Variants in MYO15A observed in about 807,000 individuals in gnomAD.
The protein encoded by MYO15A is myosin XVA.
In MYO15A, 308 loss-of-function variants were observed where a neutral mutation model predicts 394.6. That is an observed-to-expected ratio of 0.78 (90% CI 0.71 to 0.86). The LOEUF (loss-of-function observed/expected upper bound fraction) is 0.86, where lower values mean the gene tolerates loss of function less well. MYO15A is among the 40% of genes least tolerant of loss of function. The pLI is 0.00. For missense variants in MYO15A, 4,606 were observed against 4,799.1 expected (o/e 0.96, Z 1.19); for synonymous variants, 1,957 against 2,003.8 (o/e 0.98, Z 0.62).
Position 18,149,518 on chromosome 17 carries a change from C to T in MYO15A, c.7150C>T (p.His2384Tyr), listed in dbSNP as rs1257065368. ...CAGTCTTGGAGAGCCTGCTGTGCCCCACAAGGGGCTGGACTGCTACCTGGA... is the reference window on the plus strand; with the variant it reads ...CAGTCTTGGAGAGCCTGCTGTGCCCTACAAGGGGCTGGACTGCTACCTGGA... ...SDSLGEPAVP[H>Y]KGLDCYLDSL... The change falls in exon 35 of 66, where the codon CAC (histidine) becomes TAC (tyrosine). Residue 2384 changes from histidine to tyrosine, a missense_variant. By Grantham distance (83) the His-to-Tyr change is moderately conservative (BLOSUM62 2). Coordinates refer to ENST00000647165, the MANE Select transcript of MYO15A (RefSeq NM_016239.4). 1 of 1,614,066 alleles carries T rather than the reference C, an allele frequency of 6.2e-7. No individual in the cohort carries two copies. The highest frequency in any genetic ancestry group is 8.5e-7 in the Non-Finnish European group (1 of 1,180,042).
intron 65 of MYO15A, chr17:18,177,044 C>T (rs556829124): frequency 6.6e-6 from 1 of 152,422 alleles, no homozygotes; most frequent in Admixed American, 6.5e-5. Flanking sequence ...ATGAAGGCCT[C>T]TTTGCTTTTC....
At chr17:18,140,468 G>A (rs781770960) in intron 19 of MYO15A, 49 bp from the exon 20 acceptor site, 3 of 1,612,226 alleles carry the variant, frequency 1.9e-6, no homozygotes, top group Non-Finnish European at 1.7e-6. Flanking sequence ...CCTCATTTCG[G>A]TCTCCCGGAC....
rs1013614605 is a variant in MYO15A, at chr17:18,117,076, G to A, written c.-219-1506G>A. On this transcript the variant is annotated intron_variant, in intron 1 of 65. Coordinates refer to ENST00000647165, the MANE Select transcript of MYO15A (RefSeq NM_016239.4). This position sits in a 1 kb window ranked among gnomAD's most constrained non-coding sequence, Gnocchi z 4.1. ...ACTTCCTGCACGTATCCCCTAACTCGCTCCAAAAGCCCTCCATCCAATTTC... is the reference window on the plus strand; with the variant it reads ...ACTTCCTGCACGTATCCCCTAACTCACTCCAAAAGCCCTCCATCCAATTTC... Among the ~76,000 whole-genome samples the A allele has an allele frequency of 6.6e-6, 1 of 152,020 alleles. No homozygotes were observed. The highest frequency in any genetic ancestry group is 1.5e-5 in the Non-Finnish European group (1 of 68,004).
Position 18,148,157 on chromosome 17 carries a change from G to A in MYO15A, c.6638G>A (p.Trp2213Ter), listed in dbSNP as rs1567649945. The A allele has an allele frequency of 1.9e-6, 3 of 1,613,842 alleles. No individual in the cohort carries two copies. The highest frequency in any genetic ancestry group is 2.5e-6 in the Non-Finnish European group (3 of 1,180,036). The change falls in exon 31 of 66, where the codon TGG becomes TAG. Residue 2213 changes from tryptophan to a stop codon, truncating the protein, a stop_gained. Transcript: ENST00000647165. LOFTEE classifies it high-confidence loss of function. This position sits in a 1 kb window ranked among gnomAD's most constrained non-coding sequence, Gnocchi z 4.8. Reference sequence around the variant, plus strand: ...ACCTTACCCCCGACCCAGCTCGAGTGGACAGCGACCTATGAGAAGGCCAGC... The same window carrying A: ...ACCTTACCCCCGACCCAGCTCGAGTAGACAGCGACCTATGAGAAGGCCAGC... ...ARTLPPTQLEWTATYEKASMA... is the reference protein window; with the variant it reads ...ARTLPPTQLE
At position 18,149,538 on chromosome 17, in the gene MYO15A, C is replaced by T. The variant is rs1402420110; in HGVS notation, c.7170C>T (p.Tyr2390=). ...TGCCCCACAAGGGGCTGGACTGCTACCTGGATAGCCTCTTTGACCCTGTGC... is the reference window on the plus strand; with the variant it reads ...TGCCCCACAAGGGGCTGGACTGCTATCTGGATAGCCTCTTTGACCCTGTGC... ...PAVPHKGLDC[Y]LDSLFDPVLS... The change falls in exon 35 of 66, where the codon TAC becomes TAT. Residue 2390 remains tyrosine, a synonymous_variant. Coordinates refer to ENST00000647165, the MANE Select transcript of MYO15A (RefSeq NM_016239.4). 5 of 1,614,196 alleles carry T rather than the reference C, an allele frequency of 3.1e-6. No homozygotes were observed. The Admixed American group carries it at 5.0e-5, about 16-fold the overall frequency.
chr17:18,172,805 AACAG>A (rs2046961339), intron 64 of MYO15A: 2 of 206,808 alleles, frequency 9.7e-6, no homozygotes, highest in African/African-American at 4.7e-5. Context: ...GGCCCATCCT[AACAG>A]CTTCATTTTA....
intron 17 of MYO15A, 59 bp downstream of exon 17, chr17:18,138,305 T>C (rs560586027): frequency 7.6e-6 from 12 of 1,583,082 alleles, no homozygotes; most frequent in Non-Finnish European, 1.0e-5. Flanking sequence ...CCTCATGTCC[T>C]CATCCCACCC....
Position 18,153,962 on chromosome 17 carries a change from G to A in MYO15A, c.8088+66G>A, listed in dbSNP as rs2046630700. On this transcript the variant is annotated intron_variant, in intron 43 of 65. Transcript: ENST00000647165. The surrounding 1 kb of genome is among the most constrained non-coding windows in gnomAD (Gnocchi z 4.1). Reference sequence around the variant, plus strand: ...GGCAGGGGAGGGGCTGAAGCGAGCAGAGGAGGGTCTAGGACTTGGGGAGGG... The same window carrying A: ...GGCAGGGGAGGGGCTGAAGCGAGCAAAGGAGGGTCTAGGACTTGGGGAGGG... 3 of 1,611,032 alleles carry A rather than the reference G, an allele frequency of 1.9e-6. No individual in the cohort carries two copies. The highest frequency in any genetic ancestry group is 1.7e-5 in the Admixed American group (1 of 59,938).
chr17:18,118,883 G>A lies in MYO15A; in HGVS notation c.83G>A (p.Arg28Gln), dbSNP rs1367209759. The A allele has an allele frequency of 1.2e-6, 2 of 1,613,784 alleles. 1 individual carries two copies. The highest frequency in any genetic ancestry group is 2.2e-5 in the South Asian group (2 of 91,020). Residue 28 changes from arginine to glutamine, a missense_variant, in exon 2 of 66, where the codon CGG becomes CAG. Transcript: ENST00000647165. The stretch of plus-strand genomic sequence containing the variant: ...GCACCGGAGCCGGAGAAGCCCAAAC[G>A]GAGCCTGAAGGGGACGTCGCGGCTG... ...KKAPEPEKPK[R>Q]SLKGTSRLFM...
At chr17:18,142,436 C>G (rs940810307) in intron 24 of MYO15A, among the ~76,000 whole-genome samples, 182 bp downstream of exon 24, 3 of 152,224 alleles carry the variant, frequency 2.0e-5, no homozygotes, top group Non-Finnish European at 4.4e-5. Flanking sequence ...CCAGCCAACC[C>G]CAGGCCCTTG....
At chr17:18,142,326 G>T in intron 24 of MYO15A, 72 bp downstream of exon 24, 1 of 1,531,692 alleles carries the variant, frequency 6.5e-7, no homozygotes, top group Non-Finnish European at 8.9e-7. Flanking sequence ...CCTGAACTTA[G>T]GTGGTGAGCT....
In MYO15A at chr17:18,147,907, CTCTGGAG is replaced by C; in HGVS notation, c.6510-120_6510-114del. On this transcript the variant is annotated intron_variant, in intron 30 of 65. Transcript: ENST00000647165. The surrounding 1 kb of genome is among the most constrained non-coding windows in gnomAD (Gnocchi z 4.4). Reference sequence around the variant, plus strand: ...GAGCCTTTTTAGCCTCACCTTGGAGCTCTGGAGTAGCCTGGGCCTTTCTCAGACTAGC... The same window carrying C: ...GAGCCTTTTTAGCCTCACCTTGGAGCTAGCCTGGGCCTTTCTCAGACTAGC... The C allele has an allele frequency of 7.9e-7, 1 of 1,266,944 alleles. No individual in the cohort carries two copies. The allele number at this position is 1,266,944 out of a possible 1,614,324, so 78.5% of individuals were successfully genotyped here.
rs114052634 is a variant in MYO15A at position 18,122,311 on chromosome 17, C to T, written c.3511C>T (p.His1171Tyr). The T allele has an allele frequency of 1.9e-6, 3 of 1,613,030 alleles. No individual in the cohort carries two copies. Among genetic ancestry groups the T allele is most frequent in the Non-Finnish European group, 2.5e-6 (3 of 1,179,984 alleles). ...TGCCTATGGACCCTGGCCACGAGTACACACCCATCCCCAGTCCTGCCACCT... is the reference window on the plus strand; with the variant it reads ...TGCCTATGGACCCTGGCCACGAGTATACACCCATCCCCAGTCCTGCCACCT... Reference protein sequence around the residue: ...ADAYGPWPRVHTHPQSCHLGP... With the variant: ...ADAYGPWPRVYTHPQSCHLGP... The change falls in exon 2 of 66, where the codon CAC (histidine) becomes TAC (tyrosine). Residue 1171 changes from histidine (H) to tyrosine (Y), a missense_variant. Around this residue, in one of 2 missense-constraint regions of MYO15A, gnomAD observed 1,830 missense variants for 1,689.7 expected, o/e 1.08. Transcript: ENST00000647165.
chr17:18,166,311 T>C (rs753233365), intron 60 of MYO15A, 50 bp from the exon 61 acceptor site: 9 of 1,592,960 alleles, frequency 5.6e-6, no homozygotes, highest in Admixed American at 1.7e-5. Context: ...GGTGCACACA[T>C]GTGTGTGCAC....
In MYO15A at chr17:18,120,199, G is replaced by T. The variant is rs753823625; in HGVS notation, c.1399G>T (p.Ala467Ser). The T allele has an allele frequency of 1.2e-6, 2 of 1,612,798 alleles. No homozygotes were observed. Among genetic ancestry groups the T allele is most frequent in the Non-Finnish European group, 1.7e-6 (2 of 1,179,938 alleles). Reference protein sequence around the residue: ...FFEQQGMDKPARSKLSLIRKF... With the variant: ...FFEQQGMDKPSRSKLSLIRKF... ...CGAGCAGCAAGGCATGGATAAGCCC[G>T]CCAGGTCCAAGCTGTCCCTCATCCG... is the stretch of plus-strand genomic sequence containing the variant. Residue 467 changes from alanine (A) to serine (S), a missense_variant, in exon 2 of 66, where the codon GCC (alanine) becomes TCC (serine). Around this residue, in one of 2 missense-constraint regions of MYO15A, gnomAD observed 1,830 missense variants for 1,689.7 expected, o/e 1.08. Transcript: ENST00000647165.
intron 61 of MYO15A, 43 bp downstream of exon 61, chr17:18,166,564 C>G (rs768361208): frequency 1.2e-6 from 2 of 1,605,146 alleles, no homozygotes; most frequent in Non-Finnish European, 1.7e-6. Context: ...ACCTTCTAGG[C>G]TCCCCTGGGC....
chr17:18,126,546 G>C (rs1180087563), intron 5 of MYO15A, 90 bp downstream of exon 5: 17 of 1,278,862 alleles, frequency 1.3e-5, no homozygotes, highest in Non-Finnish European at 1.7e-5. Flanking sequence ...CCTGAGCCAT[G>C]AGTCAGAGGT....
In MYO15A at chr17:18,159,688, A is replaced by G. The variant is rs758279176; in HGVS notation, c.9303+9A>G. The G allele has an allele frequency of 1.2e-6, 2 of 1,614,110 alleles. No individual in the cohort carries two copies. Among genetic ancestry groups the G allele is most frequent in the South Asian group, 1.1e-5 (1 of 91,070 alleles). Reference sequence around the variant, plus strand: ...TTTGTAACCTCCTGAAGGTCAGTCCAGCCAACTTTGCCAGATGCCCCCTTT... The same window carrying G: ...TTTGTAACCTCCTGAAGGTCAGTCCGGCCAACTTTGCCAGATGCCCCCTTT... On this transcript the variant is annotated intron_variant, in intron 55 of 65. Transcript: ENST00000647165.
At chr17:18,157,686 C>A (rs542204617) in intron 50 of MYO15A, 36 bp from the exon 51 acceptor site, 5 of 1,602,268 alleles carry the variant, frequency 3.1e-6, no homozygotes, top group Non-Finnish European at 4.2e-6. Flanking sequence ...AAGACAAGAC[C>A]CTCCTGTTTG....
Sources: gnomAD v4.1 joint callset for allele counts (sites outside exome capture counted in the v4.1 genomes callset) on GRCh38, gnomAD v4.1.1 for gene constraint, gnomAD v4.1.1 regional missense constraint, Gnocchi (gnomAD v3.1) non-coding constraint, MANE v1.5 for transcripts, NCBI Gene and HGNC (gene_info 2026-07-23, HGNC 2026-07-21) for gene names.